The following CLCC1 variants were observed in gnomAD, a reference collection of about 807,000 sequenced individuals.
CLCC1 encodes chloride channel CLIC-like protein 1.
In CLCC1, 39 loss-of-function variants were observed where a neutral mutation model predicts 63.3. The ratio of observed to expected loss-of-function variants is 0.62; its 90% CI spans 0.48 to 0.81. The LOEUF is 0.81. Among genes scored for constraint, CLCC1 ranks in the 30% least tolerant of loss-of-function variants. The pLI is 0.00. For synonymous variants in CLCC1, 217 were observed against 239.8 expected (o/e 0.90, Z 0.88); for missense variants, 549 against 669.4 (o/e 0.82, Z 1.98).
At chr1:108,936,411 T>C (rs1390260287) in intron 11 of CLCC1, among the ~76,000 whole-genome samples, 1 of 152,188 alleles carries the variant, frequency 6.6e-6, no homozygotes, top group Non-Finnish European at 1.5e-5. Context: ...TCTAGATACA[T>C]GTAGATATGT....
At chr1:108,936,428 T>C (rs1199090060) in intron 11 of CLCC1, among the ~76,000 whole-genome samples, 1 of 152,248 alleles carries the variant, frequency 6.6e-6, no homozygotes, top group Non-Finnish European at 1.5e-5. Context: ...ATGTTTATTT[T>C]TATATGAAAC....
chr1:108,957,661 T>C (rs1441055828), intron 2 of CLCC1, among the ~76,000 whole-genome samples: 2 of 151,530 alleles, frequency 1.3e-5, no homozygotes, highest in African/African-American at 4.9e-5. Flanking sequence ...TCTATGTTTG[T>C]GGCCAGGGCA....
At chr1:108,950,268 C>CT in intron 3 of CLCC1, 41 bp downstream of exon 3, 1 of 1,579,734 alleles carries the variant, frequency 6.3e-7, no homozygotes. Context: ...CATCATGGGA[C>CT]TGATAAGGTC....
At chr1:108,946,036 G>A (rs577869601) in intron 5 of CLCC1, among the ~76,000 whole-genome samples, 4 of 151,854 alleles carry the variant, frequency 2.6e-5, no homozygotes, top group Non-Finnish European at 4.4e-5. Flanking sequence ...GTGGCCGGGC[G>A]CGGTGGCTCA....
At chr1:108,945,270 C>T (rs1474064387) in intron 5 of CLCC1, among the ~76,000 whole-genome samples, 3 of 152,106 alleles carry the variant, frequency 2.0e-5, no homozygotes, top group Non-Finnish European at 4.4e-5. Flanking sequence ...CTCAGCACTA[C>T]ATCAGAGGGC....
chr1:108,941,917 G>A (rs1225700526), intron 7 of CLCC1, among the ~76,000 whole-genome samples: 1 of 152,190 alleles, frequency 6.6e-6, no homozygotes, highest in Non-Finnish European at 1.5e-5. Context: ...GCCTCCCAAA[G>A]TGCTAGGATT....
chr1:108,939,854 A>G, intron 9 of CLCC1, 72 bp from the exon 10 acceptor site: 1 of 1,470,908 alleles, frequency 6.8e-7, no homozygotes, highest in Non-Finnish European at 9.3e-7. Context: ...AAATTCATTG[A>G]GTACTGATGC....
chr1:108,933,999 C>T (rs1652447367), intron 12 of CLCC1: 1 of 152,202 alleles, frequency 6.6e-6, no homozygotes, highest in South Asian at 2.1e-4. Context: ...AGAATAAAGT[C>T]ATTTTCAGTC....
chr1:108,956,102 G>A (rs575558259), intron 2 of CLCC1, among the ~76,000 whole-genome samples: 1 of 151,484 alleles, frequency 6.6e-6, no homozygotes, highest in South Asian at 2.1e-4. Flanking sequence ...GTGGGAACAC[G>A]CCCCTCTTGG....
Position 108,937,174 on chromosome 1 carries a change from T to C in CLCC1, c.1286A>G (p.Asp429Gly), listed in dbSNP as rs775341934. 14 of 1,587,252 alleles carry C rather than the reference T, an allele frequency of 8.8e-6. 1 individual carries two copies. In the Admixed American group the frequency reaches 1.1e-4, roughly 12 times the overall value. ...RREILRERDV[D>G]LRFQTGNKSP... ...CTTGTTGCCAGTCTGAAATCTCAAG[T>C]CAACATCTCTCTCTCTCAAAATCTC... Residue 429 changes from aspartate to glycine, a missense_variant, in exon 11 of 13, where the codon GAC (aspartate) becomes GGC (glycine). Physicochemically the swap from Asp to Gly is moderately conservative, Grantham distance 94. Transcript: ENST00000369969.
rs1654216574 is a variant in CLCC1, at chr1:108,944,114, T to C, written c.340-57A>G. 8 of 1,303,216 alleles carry C rather than the reference T, an allele frequency of 6.1e-6. No homozygotes were observed. The South Asian group carries it at 7.1e-5, about 12-fold the overall frequency. The allele number at this position is 1,303,216 out of a possible 1,614,324, so 80.7% of individuals were successfully genotyped here. On this transcript the variant is annotated intron_variant, in intron 5 of 12. Transcript: ENST00000369969. ...GAAAGAGAATTTTATTACTACTTGGTGAACCATTTTAAGACAAAAGCCAAT... is the reference window on the plus strand; with the variant it reads ...GAAAGAGAATTTTATTACTACTTGGCGAACCATTTTAAGACAAAAGCCAAT...
chr1:108,940,042 T>C lies in CLCC1; in HGVS notation c.894+3A>G. On this transcript the variant is annotated splice_donor_region_variant and intron_variant, in intron 9 of 12. Coordinates refer to ENST00000369969, the MANE Select transcript of CLCC1 (RefSeq NM_001377458.1). ...AGTAATTTTTACAAAATATATGCTATACCTTTGTTGGTGGGACCAACCAAA... is the reference window on the plus strand; with the variant it reads ...AGTAATTTTTACAAAATATATGCTACACCTTTGTTGGTGGGACCAACCAAA... The C allele has an allele frequency of 3.1e-6, 5 of 1,599,766 alleles. No homozygotes were observed. In the South Asian group the frequency reaches 4.5e-5, roughly 14 times the overall value.
chr1:108,960,379 C>T (rs746336834), intron 2 of CLCC1, among the ~76,000 whole-genome samples: 13 of 152,072 alleles, frequency 8.5e-5, no homozygotes, highest in South Asian at 4.1e-4. Flanking sequence ...TGGTATCAAG[C>T]GTATTCAATA....
intron 2 of CLCC1, among the ~76,000 whole-genome samples, chr1:108,960,152 CA>C (rs1656439959): frequency 6.6e-6 from 1 of 152,054 alleles, no homozygotes; most frequent in Non-Finnish European, 1.5e-5. Flanking sequence ...AACAAACAAA[CA>C]AACAAAAAAC....
intron 11 of CLCC1, among the ~76,000 whole-genome samples, chr1:108,935,506 C>T (rs1167350819): frequency 6.6e-6 from 1 of 152,144 alleles, no homozygotes; most frequent in Non-Finnish European, 1.5e-5. Flanking sequence ...GTGGCTCACA[C>T]CTGTAATCCC....
chr1:108,942,921 T>C (rs1654025390), intron 7 of CLCC1, among the ~76,000 whole-genome samples: 1 of 152,262 alleles, frequency 6.6e-6, no homozygotes, highest in East Asian at 1.9e-4. Flanking sequence ...CTTTTTTTTT[T>C]CTTCCTTGTT....
rs1275265289 is a variant in CLCC1 at position 108,943,489 on chromosome 1, T to A, written c.688A>T (p.Met230Leu). The A allele has an allele frequency of 6.2e-7, 1 of 1,613,726 alleles. No individual in the cohort carries two copies. The highest frequency in any genetic ancestry group is 1.3e-5 in the African/African-American group (1 of 74,848). Residue 230 changes from methionine to leucine, a missense_variant, in exon 7 of 13, where the codon ATG becomes TTG. Physicochemically the swap from Met to Leu is conservative, Grantham distance 15 (BLOSUM62 2). Coordinates refer to ENST00000369969, the MANE Select transcript of CLCC1 (RefSeq NM_001377458.1). Reference protein sequence around the residue: ...SFLFSLGWNWMYLYKLAFAQH... With the variant: ...SFLFSLGWNWLYLYKLAFAQH... ...CCATATAATACCTTATATAAATACA[T>A]CCAATTCCATCCCAAACTGAACAGA...
Position 108,948,936 on chromosome 1 carries a change from A to G in CLCC1, c.231+884T>C, listed in dbSNP as rs553195570. ...TCAGGTGAGACAGTATTCGTACTTA[A>G]TAAGAATCACAAGCAGGTGGGTATA... On this transcript the variant is annotated intron_variant, in intron 4 of 12. Transcript: ENST00000369969. 9.9e-5 allele frequency among the ~76,000 whole-genome samples: 15 copies of G among 152,244 alleles called. No homozygotes were observed. In the East Asian group the frequency reaches 2.7e-3, roughly 27 times the overall value.
chr1:108,936,165 TCA>T (rs1160148911), intron 11 of CLCC1, among the ~76,000 whole-genome samples: 2 of 142,264 alleles, frequency 1.4e-5, no homozygotes, highest in Admixed American at 1.5e-4. Flanking sequence ...CGATCTCGGC[TCA>T]CTGCAACCTC....
Sources: gnomAD v4.1 joint callset for allele counts (sites outside exome capture counted in the v4.1 genomes callset) on GRCh38, gnomAD v4.1.1 for gene constraint, MANE v1.5 for transcripts, NCBI Gene and HGNC (gene_info 2026-07-23, HGNC 2026-07-21) for gene names.